FKTN: variants seen among roughly 807,000 people sequenced by gnomAD.
FKTN encodes ribitol-5-phosphate transferase FKTN.
A neutral mutation model predicts 58.6 loss-of-function variants in FKTN; 47 were observed. That is an observed-to-expected ratio of 0.80 (90% CI 0.63 to 1.02). The LOEUF is 1.02. Ranked by LOEUF, FKTN falls within the 50% of genes least tolerant of loss-of-function variation. The probability of loss-of-function intolerance (pLI) is 0.00; values close to 1 mark genes in which losing one functional copy is unlikely to be tolerated. For missense variants in FKTN, 516 were observed against 537.3 expected (o/e 0.96, Z 0.39); for synonymous variants, 178 against 191.9 (o/e 0.93, Z 0.60).
At chr9:105,596,294 C>T (rs892020164) in intron 3 of FKTN, among the ~76,000 whole-genome samples, 1 of 152,220 alleles carries the variant, frequency 6.6e-6, no homozygotes. Context: ...AACAGACAAA[C>T]CCTAATTCCA....
At position 105,636,176 on chromosome 9, in the gene FKTN, C is replaced by T. The variant is rs1834019892; in HGVS notation, c.*912C>T. The T allele has an allele frequency of 2.2e-6, 2 of 902,778 alleles. No individual in the cohort carries two copies. The highest frequency in any genetic ancestry group is 1.8e-5 in the African/African-American group (1 of 55,620). 55.9% of individuals were successfully genotyped at this position (902,778 alleles called of 1,614,324 possible). A position where few individuals can be genotyped will look rare whatever the true frequency, so the allele number is the denominator to read the frequency against. On this transcript the variant is annotated 3_prime_UTR_variant, in exon 11 of 11. Transcript: ENST00000357998. Reference sequence around the variant, plus strand: ...ATATTTTCTGAATTTATAATCTGTGCACTCCCAATTTTAATGACACTAAAA... The same window carrying T: ...ATATTTTCTGAATTTATAATCTGTGTACTCCCAATTTTAATGACACTAAAA...
intron 4 of FKTN, 124 bp downstream of exon 4, chr9:105,596,781 G>A (rs571862681): frequency 2.6e-6 from 2 of 764,828 alleles, no homozygotes; most frequent in Middle Eastern, 2.4e-4. Flanking sequence ...TGGCCGGTTG[G>A]TAGTGGCAGG....
intron 5 of FKTN, among the ~76,000 whole-genome samples, chr9:105,602,402 C>T (rs1483006978): frequency 6.6e-6 from 1 of 152,174 alleles, no homozygotes; most frequent in Non-Finnish European, 1.5e-5. Flanking sequence ...CCTTGAGAAC[C>T]ACTATTTTAG....
Position 105,619,934 on chromosome 9 carries a change from GTAGAAGAC to G in FKTN, c.1046_1053del (p.Val349GlufsTer11), listed in dbSNP as rs1831550571. 1 of 1,611,226 alleles carries G rather than the reference GTAGAAGAC, an allele frequency of 6.2e-7. No individual in the cohort carries two copies. Among genetic ancestry groups the G allele is most frequent in the Admixed American group, 1.7e-5 (1 of 59,954 alleles). Reference sequence around the variant, plus strand: ...GTGAAGGTTTTCATCTTCCCCATAGGTAGAAGACAGCTTGGAACTATCCTTCCAGGGAA... The same window carrying G: ...GTGAAGGTTTTCATCTTCCCCATAGGAGCTTGGAACTATCCTTCCAGGGAA... On this transcript the variant is annotated frameshift_variant and splice_region_variant, in exon 10 of 11. Transcript: ENST00000357998. LOFTEE classifies it high-confidence loss of function.
rs958852187 is a variant in FKTN at position 105,636,850 on chromosome 9, A to C, written c.*1586A>C. 4 of 1,171,318 alleles carry C rather than the reference A, an allele frequency of 3.4e-6. No individual in the cohort carries two copies. Among genetic ancestry groups the C allele is most frequent in the Non-Finnish European group, 4.4e-6 (4 of 911,914 alleles). 72.6% of individuals were successfully genotyped at this position (1,171,318 alleles called of 1,614,324 possible). A position where few individuals can be genotyped will look rare whatever the true frequency, so the allele number is the denominator to read the frequency against. ...AAATTAGAGAAAGTAACTTACAACC[A>C]CCCATTCCGGATTTGTAAAGCAACA... On this transcript the variant is annotated 3_prime_UTR_variant, in exon 11 of 11. Transcript: ENST00000357998.
chr9:105,622,717 A>C (rs1222021808), intron 10 of FKTN, among the ~76,000 whole-genome samples: 2 of 152,098 alleles, frequency 1.3e-5, no homozygotes, highest in Non-Finnish European at 2.9e-5. Flanking sequence ...TAATAGGTTA[A>C]GTGAGTTAGT....
At chr9:105,594,348 G>A (rs1826353636) in intron 3 of FKTN, among the ~76,000 whole-genome samples, 1 of 152,074 alleles carries the variant, frequency 6.6e-6, no homozygotes, top group Non-Finnish European at 1.5e-5. Context: ...ATAGGGAGGT[G>A]TTAGAAAAAA....
intron 1 of FKTN, among the ~76,000 whole-genome samples, chr9:105,559,911 A>G (rs1473447788): frequency 2.6e-5 from 4 of 152,074 alleles, no homozygotes; most frequent in Admixed American, 6.5e-5. Flanking sequence ...TTATTGAAGG[A>G]GGCATGTGGA....
At chr9:105,610,473 A>G (rs950783081) in intron 7 of FKTN, among the ~76,000 whole-genome samples, 2 of 151,994 alleles carry the variant, frequency 1.3e-5, no homozygotes, top group Non-Finnish European at 2.9e-5. Flanking sequence ...TCTGACTCCC[A>G]TTGACCTTAA....
chr9:105,574,772 A>G, intron 2 of FKTN, 173 bp from the exon 3 acceptor site: 1 of 355,588 alleles, frequency 2.8e-6, no homozygotes, highest in East Asian at 5.5e-5. Context: ...GATAATAAAC[A>G]TTTTTGTTTT....
chr9:105,618,203 A>T, intron 9 of FKTN, 111 bp downstream of exon 9: 1 of 894,798 alleles, frequency 1.1e-6, no homozygotes, highest in South Asian at 1.4e-5. Flanking sequence ...TTTATCACTC[A>T]GTATTGACTA....
chr9:105,635,514 T>A lies in FKTN; in HGVS notation c.*250T>A. 1 of 1,364,976 alleles carries A rather than the reference T, an allele frequency of 7.3e-7. No homozygotes were observed. The highest frequency in any genetic ancestry group is 9.4e-7 in the Non-Finnish European group (1 of 1,058,480). The allele number at this position is 1,364,976 out of a possible 1,614,324, so 84.6% of individuals were successfully genotyped here. ...GACAAATACCTACTTCTTTTATTCCTCCTTTTGGTAAACAACTCAATTTTC... is the reference window on the plus strand; with the variant it reads ...GACAAATACCTACTTCTTTTATTCCACCTTTTGGTAAACAACTCAATTTTC... On this transcript the variant is annotated 3_prime_UTR_variant, in exon 11 of 11. Transcript: ENST00000357998.
At chr9:105,563,323 G>A (rs1004410743) in intron 1 of FKTN, among the ~76,000 whole-genome samples, 10 of 152,170 alleles carry the variant, frequency 6.6e-5, no homozygotes, top group African/African-American at 2.2e-4. Context: ...TGGGTGCAGC[G>A]CACCGAGCGT....
intron 10 of FKTN, chr9:105,623,059 C>G (rs62575146): frequency 2.0e-5 from 3 of 152,054 alleles, no homozygotes; most frequent in African/African-American, 7.2e-5. Context: ...GCATCCAAAT[C>G]TGCCAGTAAT....
intron 3 of FKTN, among the ~76,000 whole-genome samples, chr9:105,589,519 G>A (rs1157401654): frequency 6.7e-6 from 1 of 149,254 alleles, no homozygotes; most frequent in Non-Finnish European, 1.5e-5. Flanking sequence ...AACTGGGGGG[G>A]GCGGGTACTA....
In FKTN at chr9:105,631,087, C is replaced by T. The variant is rs570477161; in HGVS notation, c.1173-3964C>T. Reference sequence around the variant, plus strand: ...GGTGGAGGTTGCAGTGAGCTGAGGTCGCACCACTGTACTCCAGCCTGGGTG... The same window carrying T: ...GGTGGAGGTTGCAGTGAGCTGAGGTTGCACCACTGTACTCCAGCCTGGGTG... On this transcript the variant is annotated intron_variant, in intron 10 of 10. Transcript: ENST00000357998. Among the ~76,000 whole-genome samples, 22 of 152,128 alleles carry T rather than the reference C, an allele frequency of 1.4e-4. No individual in the cohort carries two copies. In the South Asian group the frequency reaches 3.9e-3, roughly 27 times the overall value.
chr9:105,563,661 G>A (rs895334840), intron 1 of FKTN, among the ~76,000 whole-genome samples: 6 of 152,052 alleles, frequency 3.9e-5, no homozygotes, highest in Non-Finnish European at 7.4e-5. Context: ...CGGGAAGCTC[G>A]AACTGGGTGG....
At chr9:105,581,222 C>T (rs922986588) in intron 3 of FKTN, among the ~76,000 whole-genome samples, 6 of 149,716 alleles carry the variant, frequency 4.0e-5, no homozygotes, top group Non-Finnish European at 8.9e-5. Context: ...AACTGCGTTC[C>T]TTTGTAGGAG....
chr9:105,604,996 A>G (rs1327489608), intron 6 of FKTN, among the ~76,000 whole-genome samples: 1 of 151,736 alleles, frequency 6.6e-6, no homozygotes, highest in African/African-American at 2.4e-5. Flanking sequence ...ATAATTTTTG[A>G]TATATGTGTT....
Sources: gnomAD v4.1 joint callset for allele counts (sites outside exome capture counted in the v4.1 genomes callset) on GRCh38, gnomAD v4.1.1 for gene constraint, MANE v1.5 for transcripts, NCBI Gene and HGNC (gene_info 2026-07-23, HGNC 2026-07-21) for gene names.